Variants in KPNA2 observed in about 807,000 individuals in gnomAD.
KPNA2 encodes the protein karyopherin subunit alpha 2, also known as importin subunit alpha-1.
Under a neutral mutation model 53.7 loss-of-function variants are expected in KPNA2, and 20 were observed. The observed-to-expected ratio is 0.37, with a 90% CI of 0.26 to 0.54. The LOEUF (loss-of-function observed/expected upper bound fraction) is 0.54, where lower values mean the gene tolerates loss of function less well. Among genes scored for constraint, KPNA2 ranks in the 20% least tolerant of loss-of-function variants. The probability of loss-of-function intolerance (pLI) is 0.83; values close to 1 mark genes in which losing one functional copy is unlikely to be tolerated. For missense variants in KPNA2, 515 were observed against 640.3 expected (o/e 0.80, Z 2.11); for synonymous variants, 238 against 227.5 (o/e 1.05, Z -0.42).
intron 7 of KPNA2, 141 bp from the exon 8 acceptor site, chr17:68,043,697 A>G (rs1225244314): frequency 3.1e-6 from 2 of 636,296 alleles, no homozygotes; most frequent in East Asian, 5.4e-5. Flanking sequence ...AAAAAAAAAA[A>G]AAGCATAATC....
intron 3 of KPNA2, among the ~76,000 whole-genome samples, chr17:68,038,611 A>C (rs1295224750): frequency 5.3e-5 from 8 of 152,116 alleles, no homozygotes; most frequent in Admixed American, 2.0e-4. Context: ...CATACTCCAA[A>C]TTGCTTGAAC....
rs1168904628 is a variant in KPNA2 at position 68,043,927 on chromosome 17, T to C, written c.1020T>C (p.Phe340=). ...VVIDAGALAV[F]PSLLTNPKTN... ...TTGATGCAGGAGCACTCGCCGTCTT[T>C]CCCAGCCTGCTCACCAACCCCAAAA... Residue 340 remains phenylalanine (F), a synonymous_variant, in exon 8 of 11, where the codon TTT becomes TTC. Coordinates refer to ENST00000330459, the MANE Select transcript of KPNA2 (RefSeq NM_002266.4). 6.2e-7 allele frequency: 1 copy of C among 1,613,694 alleles called. No homozygotes were observed. The highest frequency in any genetic ancestry group is 8.5e-7 in the Non-Finnish European group (1 of 1,179,808).
chr17:68,044,568 C>T (rs1391795304), intron 9 of KPNA2, 65 bp downstream of exon 9: 13 of 1,349,900 alleles, frequency 9.6e-6, no homozygotes, highest in Middle Eastern at 3.7e-4. Context: ...ACTATTTAGA[C>T]TTGGGGGAGG....
intron 9 of KPNA2, among the ~76,000 whole-genome samples, chr17:68,044,743 C>T (rs1290065077): frequency 2.6e-5 from 4 of 152,134 alleles, no homozygotes; most frequent in Non-Finnish European, 4.4e-5. Context: ...ACTCATCACA[C>T]CTGTTTACTT....
intron 1 of KPNA2, chr17:68,036,101 T>G (rs1303353034): frequency 6.6e-6 from 1 of 152,280 alleles, no homozygotes; most frequent in African/African-American, 2.4e-5. Flanking sequence ...GAGCCAGGCT[T>G]GAGGGCGAAT....
chr17:68,042,593 C>G (rs1555704716), intron 5 of KPNA2, among the ~76,000 whole-genome samples: 1 of 152,108 alleles, frequency 6.6e-6, no homozygotes, highest in African/African-American at 2.4e-5. Context: ...TAAAATTAAT[C>G]TTGCCTCGGC....
intron 9 of KPNA2, 46 bp downstream of exon 9, chr17:68,044,549 A>T: frequency 6.6e-7 from 1 of 1,519,184 alleles, no homozygotes; most frequent in Non-Finnish European, 9.1e-7. Flanking sequence ...ACTTGATAAT[A>T]ATCAGTTTAC....
chr17:68,037,730 C>T (rs538233039), intron 3 of KPNA2, among the ~76,000 whole-genome samples: 2 of 152,228 alleles, frequency 1.3e-5, no homozygotes, highest in East Asian at 3.9e-4. Flanking sequence ...CCCTGCATTT[C>T]TAGCTACTAG....
At chr17:68,037,051 A>G in intron 1 of KPNA2, 59 bp from the exon 2 acceptor site, 1 of 1,051,738 alleles carries the variant, frequency 9.5e-7, no homozygotes, top group South Asian at 1.3e-5. Flanking sequence ...CTTATTTGGT[A>G]CTATTATTGA....
In KPNA2 at chr17:68,043,870, C is replaced by A. The variant is rs781989738; in HGVS notation, c.963C>A (p.Val321=). 1 of 1,612,038 alleles carries A rather than the reference C, an allele frequency of 6.2e-7. No individual in the cohort carries two copies. The highest frequency in any genetic ancestry group is 1.3e-5 in the African/African-American group (1 of 74,720). ...TPALRAIGNI[V]TGTDEQTQVV... ...CCCTAAGAGCCATAGGGAATATTGTCACTGGTACAGATGAACAGACTCAGG... is the reference window on the plus strand; with the variant it reads ...CCCTAAGAGCCATAGGGAATATTGTAACTGGTACAGATGAACAGACTCAGG... Residue 321 remains valine, a synonymous_variant, in exon 8 of 11, where the codon GTC becomes GTA. Coordinates refer to ENST00000330459, the MANE Select transcript of KPNA2 (RefSeq NM_002266.4).
rs1555704435 is a variant in KPNA2, at chr17:68,040,698, T to G, written c.234T>G (p.Val78=). 1.5e-5 allele frequency: 24 copies of G among 1,612,852 alleles called. No individual in the cohort carries two copies. The South Asian group carries it at 2.3e-4, about 16-fold the overall frequency. ...TCTAGGGCACTGTAAATTGGTCTGT[T>G]GATGACATTGTCAAAGGCATAAATA... is the stretch of plus-strand genomic sequence containing the variant. ...RNNQGTVNWS[V]DDIVKGINSS... is the part of the protein sequence containing the mutation. Residue 78 remains valine, a synonymous_variant, in exon 4 of 11, where the codon GTT becomes GTG. Coordinates refer to ENST00000330459, the MANE Select transcript of KPNA2 (RefSeq NM_002266.4).
At chr17:68,040,615 T>C in intron 3 of KPNA2, 63 bp from the exon 4 acceptor site, 1 of 1,080,384 alleles carries the variant, frequency 9.3e-7, no homozygotes, top group Admixed American at 1.8e-5. Context: ...CACAAGTAAG[T>C]GTGGATTTTA....
intron 4 of KPNA2, 50 bp downstream of exon 4, chr17:68,040,816 A>T: frequency 3.0e-6 from 3 of 998,920 alleles, no homozygotes; most frequent in Non-Finnish European, 4.3e-6. Context: ...TTGTGTTTTT[A>T]GATTTTTTTT....
chr17:68,038,148 T>C (rs782649387), intron 3 of KPNA2, among the ~76,000 whole-genome samples: 10 of 152,196 alleles, frequency 6.6e-5, no homozygotes, highest in African/African-American at 1.7e-4. Context: ...GCTAATTTTT[T>C]GTATTTTTAG....
At chr17:68,042,835 G>A in intron 5 of KPNA2, 70 bp from the exon 6 acceptor site, 4 of 1,233,536 alleles carry the variant, frequency 3.2e-6, no homozygotes, top group Non-Finnish European at 3.5e-6. Context: ...CTGCACTCCA[G>A]CCTGGGCGAC....
chr17:68,042,931 G>C lies in KPNA2; in HGVS notation c.598G>C (p.Val200Leu). ...TGATGGCTCAGTGTTCCGAGACTTG[G>C]TTATTAAGTACGGTGCAGTTGACCC... ...AGDGSVFRDL[V>L]IKYGAVDPLL... is the part of the protein sequence containing the mutation. Residue 200 changes from valine (V) to leucine (L), a missense_variant, in exon 6 of 11, where the codon GTT (valine) becomes CTT (leucine). Coordinates refer to ENST00000330459, the MANE Select transcript of KPNA2 (RefSeq NM_002266.4). The C allele has an allele frequency of 6.2e-7, 1 of 1,613,094 alleles. No individual in the cohort carries two copies. The highest frequency in any genetic ancestry group is 2.2e-5 in the East Asian group (1 of 44,860).
intron 1 of KPNA2, 38 bp downstream of exon 1, chr17:68,035,878 G>T (rs1340963183): frequency 2.0e-5 from 3 of 152,354 alleles, no homozygotes; most frequent in Non-Finnish European, 2.9e-5. Flanking sequence ...GAGCGCTAAC[G>T]GCTTGCCCGT....
At position 68,044,400 on chromosome 17, in the gene KPNA2, A is replaced by T. The variant is rs782308928; in HGVS notation, c.1244A>T (p.Tyr415Phe). The T allele has an allele frequency of 9.3e-6, 15 of 1,613,828 alleles. No homozygotes were observed. Among genetic ancestry groups the T allele is most frequent in the Admixed American group, 5.0e-5 (3 of 60,000 alleles). ...TSGGTVEQIV[Y>F]LVHCGIIEPL... ...GGTGGAACAGTTGAACAGATTGTGT[A>T]CCTTGTTCACTGTGGCATAATAGAA... Residue 415 changes from tyrosine to phenylalanine, a missense_variant, in exon 9 of 11, where the codon TAC (tyrosine) becomes TTC (phenylalanine). By Grantham distance (22) the Tyr-to-Phe change is conservative. Coordinates refer to ENST00000330459, the MANE Select transcript of KPNA2 (RefSeq NM_002266.4).
At chr17:68,044,560 T>C in intron 9 of KPNA2, 57 bp downstream of exon 9, 2 of 1,439,196 alleles carry the variant, frequency 1.4e-6, no homozygotes, top group South Asian at 2.5e-5. Context: ...ATCAGTTTAC[T>C]ATTTAGACTT....
Sources: gnomAD v4.1 joint callset for allele counts (sites outside exome capture counted in the v4.1 genomes callset) on GRCh38, gnomAD v4.1.1 for gene constraint, MANE v1.5 for transcripts, NCBI Gene and HGNC (gene_info 2026-07-23, HGNC 2026-07-21) for gene names.